The following MAPK10 variants were observed in gnomAD, a reference collection of about 807,000 sequenced individuals.
MAPK10 encodes mitogen-activated protein kinase 10, also known as JNK3 alpha protein kinase.
A neutral mutation model predicts 59.3 loss-of-function variants in MAPK10; 25 were observed. The observed-to-expected ratio is 0.42, with a 90% CI of 0.31 to 0.59. The LOEUF (loss-of-function observed/expected upper bound fraction) is 0.59, where lower values mean the gene tolerates loss of function less well. MAPK10 is among the 20% of genes least tolerant of loss of function. The pLI is 0.15. For missense variants in MAPK10, 351 were observed against 568.9 expected, an observed-to-expected ratio of 0.62 and a Z score of 3.90; for synonymous variants, 190 against 200.5, an observed-to-expected ratio of 0.95 and a Z score of 0.44.
chr4:86,525,650 C>A (rs185470954), intron 1 of MAPK10, among the ~76,000 whole-genome samples: 32 of 152,234 alleles, frequency 2.1e-4, no homozygotes, highest in Admixed American at 7.8e-4. Flanking sequence ...AATATAAACA[C>A]AGAATCTTAA....
intron 9 of MAPK10, among the ~76,000 whole-genome samples, chr4:86,086,723 G>A (rs1293982605): frequency 6.6e-6 from 1 of 151,978 alleles, no homozygotes; most frequent in Non-Finnish European, 1.5e-5. Flanking sequence ...CTATTTTAAT[G>A]TCTCTATTTA....
At chr4:86,118,657 A>G (rs2058691584) in intron 4 of MAPK10, among the ~76,000 whole-genome samples, 1 of 151,396 alleles carries the variant, frequency 6.6e-6, no homozygotes, top group Non-Finnish European at 1.5e-5. Flanking sequence ...TTTATCAGGT[A>G]TTTTTTTCTT....
At position 86,552,426 on chromosome 4, in the gene MAPK10, G is replaced by GAGGA. The variant is rs1354327822; in HGVS notation, c.-263+41480_-263+41483dup. Reference sequence around the variant, plus strand: ...ACAGAGTGAGACCCTGTCTCAAAGAGAGGAAGGAAGGAAGGAAGGAAGGAA... The same window carrying GAGGA: ...ACAGAGTGAGACCCTGTCTCAAAGAGAGGAAGGAAGGAAGGAAGGAAGGAAGGAA... On this transcript the variant is annotated intron_variant, in intron 1 of 4. Coordinates refer to the MAPK10 transcript ENST00000502302. Among the ~76,000 whole-genome samples, 434 of 106,958 alleles carry GAGGA rather than the reference G, an allele frequency of 4.1e-3. 7 individuals carry two copies. The highest frequency in any genetic ancestry group is 7.8e-3 in the African/African-American group (200 of 25,722). The allele number at this position is 106,958 out of a possible 152,430, so 70.2% of individuals were successfully genotyped here. A position where few individuals can be genotyped will look rare whatever the true frequency, so the allele number is the denominator to read the frequency against.
At position 86,117,843 on chromosome 4, in the gene MAPK10, G is replaced by C. The variant is rs116124723; in HGVS notation, c.237-10491C>G. ...AATGAACTCCAGGTTCCACTCCCCCGTTCACAGCATAATAGAGTAGCCATG... is the reference window on the plus strand; with the variant it reads ...AATGAACTCCAGGTTCCACTCCCCCCTTCACAGCATAATAGAGTAGCCATG... On this transcript the variant is annotated intron_variant, in intron 4 of 13. Transcript: ENST00000641462. 6 of 152,126 alleles carry C rather than the reference G, an allele frequency of 3.9e-5. No individual in the cohort carries two copies. In the East Asian group the frequency reaches 1.2e-3, roughly 29 times the overall value. The allele number at this position is 152,126 out of a possible 1,614,324, so 9.4% of individuals were successfully genotyped here.
intron 11 of MAPK10, among the ~76,000 whole-genome samples, chr4:86,033,541 G>A (rs899091785): frequency 9.2e-5 from 14 of 152,194 alleles, no homozygotes; most frequent in African/African-American, 3.4e-4. Flanking sequence ...TTGCAACAAA[G>A]CTATTTTCAG....
chr4:86,557,882 A>G (rs1013680183), intron 1 of MAPK10, among the ~76,000 whole-genome samples: 1 of 152,110 alleles, frequency 6.6e-6, no homozygotes, highest in Non-Finnish European at 1.5e-5. Flanking sequence ...AGTTTAGAGA[A>G]ACATACTTTC....
At chr4:86,576,958 G>A (rs778624425) in intron 1 of MAPK10, among the ~76,000 whole-genome samples, 8 of 152,082 alleles carry the variant, frequency 5.3e-5, no homozygotes, top group Non-Finnish European at 1.2e-4. Flanking sequence ...ACAATAGAGC[G>A]CTGCTTTTAA....
At chr4:86,072,342 G>A (rs1161435044) in intron 9 of MAPK10, among the ~76,000 whole-genome samples, 1 of 151,940 alleles carries the variant, frequency 6.6e-6, no homozygotes, top group African/African-American at 2.4e-5. Context: ...CTCCAAACAG[G>A]GACAATTTGA....
At chr4:86,280,985 A>G (rs924431926) in intron 2 of MAPK10, among the ~76,000 whole-genome samples, 2 of 152,092 alleles carry the variant, frequency 1.3e-5, no homozygotes, top group African/African-American at 2.4e-5. Flanking sequence ...AAAACCACCT[A>G]TAGGGTACAA....
At chr4:86,391,109 T>C (rs189309583) in intron 1 of MAPK10, among the ~76,000 whole-genome samples, 1 of 152,342 alleles carries the variant, frequency 6.6e-6, no homozygotes, top group Admixed American at 6.5e-5. Context: ...AAATCAGTTA[T>C]GAAATTGAGG....
At chr4:86,042,425 C>T (rs2041750608) in intron 11 of MAPK10, among the ~76,000 whole-genome samples, 1 of 151,988 alleles carries the variant, frequency 6.6e-6, no homozygotes. Flanking sequence ...ACCACCATGG[C>T]ACATATTTAC....
chr4:86,542,589 G>A (rs1758797417), intron 1 of MAPK10: 1 of 154,172 alleles, frequency 6.5e-6, no homozygotes, highest in South Asian at 2.0e-4. Context: ...ACTCTAGCCT[G>A]GGCAACGTGA....
chr4:86,368,266 T>A (rs1018722121), intron 1 of MAPK10, among the ~76,000 whole-genome samples: 2 of 152,200 alleles, frequency 1.3e-5, no homozygotes, highest in Non-Finnish European at 2.9e-5. Flanking sequence ...TGTAGAGAAT[T>A]CCCATATACC....
intron 1 of MAPK10, among the ~76,000 whole-genome samples, chr4:86,474,015 G>A (rs966722359): frequency 1.9e-4 from 29 of 152,020 alleles, no homozygotes; most frequent in Admixed American, 1.6e-3. Context: ...TAACAACTTC[G>A]TCCCACATAC....
At chr4:86,439,393 TATTC>T (rs1749154231) in intron 1 of MAPK10, among the ~76,000 whole-genome samples, 1 of 152,230 alleles carries the variant, frequency 6.6e-6, no homozygotes, top group Admixed American at 6.5e-5. Context: ...ATGCATTAGA[TATTC>T]ATTCATATTC....
rs866960285 is a variant in MAPK10 at position 86,233,933 on chromosome 4, T to A, written c.-6-39526A>T. Among the ~76,000 whole-genome samples the A allele has an allele frequency of 3.9e-4, 59 of 152,356 alleles. No homozygotes were observed. The Middle Eastern group carries it at 0.024, about 61-fold the overall frequency. ...GTGCATTCCAACATGACACTGATTC[T>A]AGATAGGACTTGCAGTGAGAGGAAA... On this transcript the variant is annotated intron_variant, in intron 2 of 13. Transcript: ENST00000641462.
In MAPK10 at chr4:86,579,836, C is replaced by T. The variant is rs536278637; in HGVS notation, c.-263+14074G>A. On this transcript the variant is annotated intron_variant, in intron 1 of 4. Coordinates refer to the MAPK10 transcript ENST00000502302. ...GTTTTAGATTTTTCTTTTTAAGAGA[C>T]AGGGTCTTGCTCTGTCACCCAGGCT... Among the ~76,000 whole-genome samples the T allele has an allele frequency of 4.6e-5, 7 of 152,142 alleles. No individual in the cohort carries two copies. The South Asian group carries it at 1.4e-3, about 32-fold the overall frequency.
chr4:86,437,596 A>G (rs779985973), intron 1 of MAPK10, among the ~76,000 whole-genome samples: 2 of 152,208 alleles, frequency 1.3e-5, no homozygotes, highest in Non-Finnish European at 2.9e-5. Flanking sequence ...TCAATTTTAT[A>G]TCAAGTATGA....
At chr4:86,284,239 G>A (rs905301065) in intron 2 of MAPK10, among the ~76,000 whole-genome samples, 1 of 152,130 alleles carries the variant, frequency 6.6e-6, no homozygotes, top group Non-Finnish European at 1.5e-5. Context: ...AGGCTTAAAA[G>A]AGTTAAGTAA....
Sources: gnomAD v4.1 joint callset for allele counts (sites outside exome capture counted in the v4.1 genomes callset) on GRCh38, gnomAD v4.1.1 for gene constraint, MANE v1.5 for transcripts, NCBI Gene and HGNC (gene_info 2026-07-23, HGNC 2026-07-21) for gene names.